Variants in BDH2 observed in about 807,000 individuals in gnomAD.
BDH2 encodes the protein dehydrogenase/reductase SDR family member 6.
In BDH2, 24 loss-of-function variants were observed where a neutral mutation model predicts 33.2. The ratio of observed to expected loss-of-function variants is 0.72; its 90% CI spans 0.52 to 1.02. The LOEUF is 1.02. Ranked by LOEUF, BDH2 falls within the 50% of genes least tolerant of loss-of-function variation. BDH2 has a pLI of 0.00. For synonymous variants in BDH2, 81 were observed against 101.6 expected (o/e 0.80, Z 1.22); for missense variants, 249 against 301.6 (o/e 0.83, Z 1.29).
Position 103,082,152 on chromosome 4 carries a change from T to C in BDH2, c.613A>G (p.Arg205Gly), listed in dbSNP as rs756795889. The C allele has an allele frequency of 3.1e-6, 5 of 1,614,022 alleles. No individual in the cohort carries two copies. The highest frequency in any genetic ancestry group is 3.4e-6 in the Non-Finnish European group (4 of 1,179,980). The part of the protein sequence containing the change: ...PEEARNDFLK[R>G]QKTGRFATAE... ...GTTGCGAATCTTCCCGTCTTTTGTCTCTTCAGGAAATCATTCCGTGCCTGT... is the reference window on the plus strand; with the variant it reads ...GTTGCGAATCTTCCCGTCTTTTGTCCCTTCAGGAAATCATTCCGTGCCTGT... Residue 205 changes from arginine (R) to glycine (G), a missense_variant, in exon 9 of 10, where the codon AGA becomes GGA. By Grantham distance (125) the Arg-to-Gly change is moderately radical (BLOSUM62 -2). Transcript: ENST00000296424.
intron 1 of BDH2, among the ~76,000 whole-genome samples, chr4:103,096,531 A>ATTTTT (rs70941651): frequency 1.5e-4 from 17 of 114,240 alleles, no homozygotes; most frequent in African/African-American, 3.7e-4. Context: ...GACATTGGCC[A>ATTTTT]TTTTTTTTTT....
At chr4:103,090,848 CTA>C (rs1553920089) in intron 5 of BDH2, among the ~76,000 whole-genome samples, 1 of 152,136 alleles carries the variant, frequency 6.6e-6, no homozygotes, top group Non-Finnish European at 1.5e-5. Context: ...GCCACATATT[CTA>C]TGTCTATTTG....
intron 6 of BDH2, 51 bp downstream of exon 6, chr4:103,086,429 T>C: frequency 6.3e-7 from 1 of 1,588,746 alleles, no homozygotes; most frequent in Non-Finnish European, 8.5e-7. Flanking sequence ...GCAGAGCTCT[T>C]AATGATGTGC....
At chr4:103,095,968 T>C (rs563126476) in intron 2 of BDH2, among the ~76,000 whole-genome samples, 2 of 152,334 alleles carry the variant, frequency 1.3e-5, no homozygotes, top group South Asian at 4.1e-4. Flanking sequence ...TGATGTCATG[T>C]ACTAAATATG....
intron 2 of BDH2, among the ~76,000 whole-genome samples, chr4:103,095,774 C>A (rs1048993452): frequency 1.3e-5 from 2 of 152,102 alleles, no homozygotes; most frequent in African/African-American, 4.8e-5. Flanking sequence ...AAGTGGGGTA[C>A]ATAATGTAAC....
Position 103,085,416 on chromosome 4 carries a change from A to G in BDH2, c.465T>C (p.Ile155=). 6.2e-7 allele frequency: 1 copy of G among 1,613,114 alleles called. No homozygotes were observed. Among genetic ancestry groups the G allele is most frequent in the Non-Finnish European group, 8.5e-7 (1 of 1,179,878 alleles). ...CTGCAGCCACAGATTTTGTGAGGCC[A>G]ATCACGGCTGCCTTGGTTGTGCTGT... The part of the protein sequence containing the change: ...CVYSTTKAAV[I]GLTKSVAADF... The change falls in exon 7 of 10, where the codon ATT becomes ATC. Residue 155 remains isoleucine (I), a synonymous_variant. Transcript: ENST00000296424.
chr4:103,081,400 C>T (rs371792539), intron 9 of BDH2, among the ~76,000 whole-genome samples: 11 of 152,284 alleles, frequency 7.2e-5, no homozygotes, highest in Non-Finnish European at 1.3e-4. Flanking sequence ...CTGGTTCAAG[C>T]GATTCTCCTG....
intron 5 of BDH2, 47 bp downstream of exon 5, chr4:103,091,130 G>C (rs757017256): frequency 1.6e-6 from 2 of 1,224,776 alleles, no homozygotes; most frequent in South Asian, 2.4e-5. Flanking sequence ...GCCCAGTACA[G>C]AGACCTAATG....
At chr4:103,091,813 A>T (rs1468449934) in intron 4 of BDH2, 4 of 451,906 alleles carry the variant, frequency 8.9e-6, no homozygotes, top group Non-Finnish European at 1.8e-5. Context: ...TTCAAGAGCA[A>T]CAGTGCCCTC....
intron 1 of BDH2, among the ~76,000 whole-genome samples, chr4:103,097,210 T>C (rs1748453206): frequency 6.6e-6 from 1 of 152,206 alleles, no homozygotes; most frequent in African/African-American, 2.4e-5. Flanking sequence ...AAGCCAGAAC[T>C]AAACTTAGAC....
chr4:103,086,451 T>A (rs369408702), intron 6 of BDH2, 29 bp downstream of exon 6: 37 of 1,608,670 alleles, frequency 2.3e-5, no homozygotes, highest in Non-Finnish European at 3.1e-5. Flanking sequence ...TGTATGAGCA[T>A]CGCAGTCCTC....
intron 2 of BDH2, 79 bp from the exon 3 acceptor site, chr4:103,095,360 T>C: frequency 9.3e-7 from 1 of 1,075,018 alleles, no homozygotes. Context: ...ATGTGGTCTT[T>C]TTCTCCTTTA....
Position 103,095,196 on chromosome 4 carries a change from T to C in BDH2, c.151+7A>G. ...GAATCCCAAATTCAAGCTGCTGAGTTGCTTACCCGGGTACTTTTCCAGTTC... is the reference window on the plus strand; with the variant it reads ...GAATCCCAAATTCAAGCTGCTGAGTCGCTTACCCGGGTACTTTTCCAGTTC... On this transcript the variant is annotated splice_region_variant and intron_variant, in intron 3 of 9. Transcript: ENST00000296424. 1.2e-6 allele frequency: 2 copies of C among 1,612,476 alleles called. No homozygotes were observed. The highest frequency in any genetic ancestry group is 2.2e-5 in the South Asian group (2 of 91,040).
At chr4:103,083,022 A>G (rs1447529350) in intron 7 of BDH2, 93 bp from the exon 8 acceptor site, 2 of 1,149,376 alleles carry the variant, frequency 1.7e-6, no homozygotes, top group African/African-American at 3.0e-5. Context: ...AATCAGTGAG[A>G]TTCTTCTCCT....
intron 5 of BDH2, among the ~76,000 whole-genome samples, chr4:103,089,685 A>T (rs1366201933): frequency 6.6e-6 from 1 of 152,218 alleles, no homozygotes; most frequent in Non-Finnish European, 1.5e-5. Flanking sequence ...CATGTGCAAC[A>T]GTCTTACCCA....
At chr4:103,090,779 A>C (rs1404536763) in intron 5 of BDH2, among the ~76,000 whole-genome samples, 1 of 152,140 alleles carries the variant, frequency 6.6e-6, no homozygotes, top group African/African-American at 2.4e-5. Flanking sequence ...TTTGCGGTGG[A>C]GTCCAGAGGG....
chr4:103,094,632 G>C (rs2125811343), intron 3 of BDH2, among the ~76,000 whole-genome samples: 1 of 152,054 alleles, frequency 6.6e-6, no homozygotes, highest in African/African-American at 2.4e-5. Context: ...ATTAATGTTT[G>C]AAGTTTGTAA....
chr4:103,090,720 C>G (rs1246808201), intron 5 of BDH2, among the ~76,000 whole-genome samples: 1 of 152,190 alleles, frequency 6.6e-6, no homozygotes, highest in Non-Finnish European at 1.5e-5. Flanking sequence ...TCCCAAGGTA[C>G]CTGAATGATC....
chr4:103,093,896 C>T (rs898294104), intron 3 of BDH2, among the ~76,000 whole-genome samples: 4 of 151,660 alleles, frequency 2.6e-5, no homozygotes, highest in Admixed American at 6.6e-5. Flanking sequence ...TTTGTGCTTC[C>T]CCAGTGCAGC....
Sources: gnomAD v4.1 joint callset for allele counts (sites outside exome capture counted in the v4.1 genomes callset) on GRCh38, gnomAD v4.1.1 for gene constraint, MANE v1.5 for transcripts, NCBI Gene and HGNC (gene_info 2026-07-23, HGNC 2026-07-21) for gene names.